The following THAP4 variants were observed in gnomAD, a reference collection of about 807,000 sequenced individuals.
THAP4 encodes the protein peroxynitrite isomerase THAP4.
Under a neutral mutation model 48.1 loss-of-function variants are expected in THAP4, and 18 were observed. That is an observed-to-expected ratio of 0.37 (90% CI 0.26 to 0.56). The LOEUF is 0.56. Ranked by LOEUF, THAP4 falls within the 20% of genes least tolerant of loss-of-function variation. The pLI is 0.78. For missense variants in THAP4, 656 were observed against 774.9 expected (o/e 0.85, Z 1.82); for synonymous variants, 345 against 324.9 (o/e 1.06, Z -0.66).
intron 2 of THAP4, among the ~76,000 whole-genome samples, chr2:241,608,884 T>C (rs866068918): frequency 6.6e-6 from 1 of 152,338 alleles, no homozygotes; most frequent in South Asian, 2.1e-4. Context: ...TCAGGGTCCC[T>C]GCAGCTACCC....
At chr2:241,632,729 G>A (rs553196450) in intron 2 of THAP4, among the ~76,000 whole-genome samples, 188 bp downstream of exon 2, 3 of 152,336 alleles carry the variant, frequency 2.0e-5, no homozygotes, top group African/African-American at 7.2e-5. Context: ...GTGGGACCAG[G>A]TGCAGTGAGG....
At chr2:241,626,452 C>T (rs1471498448) in intron 2 of THAP4, among the ~76,000 whole-genome samples, 1 of 150,936 alleles carries the variant, frequency 6.6e-6, no homozygotes, top group Non-Finnish European at 1.5e-5. Flanking sequence ...AAAACAAAAA[C>T]AAAAACAAAA....
intron 2 of THAP4, among the ~76,000 whole-genome samples, chr2:241,615,659 AC>A (rs2125087304): frequency 6.6e-6 from 1 of 152,340 alleles, no homozygotes; most frequent in African/African-American, 2.4e-5. Flanking sequence ...AAATGACACC[AC>A]TGTGGTGTGA....
chr2:241,628,452 C>T (rs563937842), intron 2 of THAP4, among the ~76,000 whole-genome samples: 6 of 152,078 alleles, frequency 3.9e-5, no homozygotes, highest in Non-Finnish European at 8.8e-5. Context: ...CCTGCTCCTC[C>T]CCAAAAGCCT....
intron 2 of THAP4, among the ~76,000 whole-genome samples, chr2:241,624,070 C>G (rs1007608352): frequency 1.3e-5 from 2 of 152,220 alleles, no homozygotes; most frequent in Admixed American, 1.3e-4. Context: ...GCCTCTGCCC[C>G]ACCTGGCTAC....
chr2:241,589,268 T>C (rs1159765862), intron 5 of THAP4, among the ~76,000 whole-genome samples: 1 of 76,442 alleles, frequency 1.3e-5, no homozygotes, highest in East Asian at 3.8e-4. Flanking sequence ...AAAAACAACA[T>C]TTGGTTCTTC....
At chr2:241,629,424 T>C (rs1031988556) in intron 2 of THAP4, among the ~76,000 whole-genome samples, 2 of 150,470 alleles carry the variant, frequency 1.3e-5, no homozygotes, top group Non-Finnish European at 2.9e-5. Context: ...TGAGCTGTGA[T>C]AGGACCACCA....
intron 5 of THAP4, among the ~76,000 whole-genome samples, chr2:241,598,689 G>A (rs966325982): frequency 2.0e-5 from 3 of 152,124 alleles, no homozygotes; most frequent in East Asian, 1.9e-4. Context: ...TGGACAGGAG[G>A]TGGAGCTCAG....
rs543571264 is a variant in THAP4 at position 241,601,704 on chromosome 2, C to T, written c.1614+192G>A. 4.6e-4 allele frequency: 488 copies of T among 1,053,660 alleles called. 3 individuals are homozygous for T. In the South Asian group the frequency reaches 7.0e-3, roughly 15 times the overall value. 65.3% of individuals were successfully genotyped at this position (1,053,660 alleles called of 1,614,324 possible). On this transcript the variant is annotated intron_variant, in intron 5 of 5. Coordinates refer to ENST00000407315, the MANE Select transcript of THAP4 (RefSeq NM_015963.6). The surrounding 1 kb of genome is among the most constrained non-coding windows in gnomAD (Gnocchi z 4.0). ...CAAAAAAACCACACCACTGACCAGCCGAGGAGGGGGCAATGAATTTAGGGA... is the reference window on the plus strand; with the variant it reads ...CAAAAAAACCACACCACTGACCAGCTGAGGAGGGGGCAATGAATTTAGGGA...
intron 5 of THAP4, among the ~76,000 whole-genome samples, chr2:241,591,683 G>A (rs2066980693): frequency 6.6e-6 from 1 of 152,158 alleles, no homozygotes; most frequent in African/African-American, 2.4e-5. Context: ...AGAACAAGGA[G>A]AGGGGACAGC....
chr2:241,611,876 A>C (rs886250722), intron 2 of THAP4, among the ~76,000 whole-genome samples: 3 of 152,198 alleles, frequency 2.0e-5, no homozygotes, highest in African/African-American at 7.2e-5. Context: ...AAGAGCAGCA[A>C]AACATACAAA....
At chr2:241,607,059 GAAGT>G (rs990986033) in intron 2 of THAP4, among the ~76,000 whole-genome samples, 2 of 152,152 alleles carry the variant, frequency 1.3e-5, no homozygotes, top group African/African-American at 2.4e-5. Flanking sequence ...GTTTAAAAGG[GAAGT>G]AAGACCCCGC....
intron 2 of THAP4, among the ~76,000 whole-genome samples, chr2:241,618,452 C>T (rs985544609): frequency 2.0e-5 from 3 of 152,290 alleles, no homozygotes; most frequent in East Asian, 1.9e-4. Flanking sequence ...CTTTCCCACA[C>T]GCTAGCAATA....
At chr2:241,620,099 G>A (rs1438873436) in intron 2 of THAP4, among the ~76,000 whole-genome samples, 9 of 97,792 alleles carry the variant, frequency 9.2e-5, no homozygotes, top group Non-Finnish European at 1.0e-4. Context: ...TGAGTGAGTC[G>A]GTGAGTGAGG....
Position 241,633,983 on chromosome 2 carries a change from C to T in THAP4, c.174G>A (p.Glu58=). 2.5e-6 allele frequency: 4 copies of T among 1,614,120 alleles called. No individual in the cohort carries two copies. Among genetic ancestry groups the T allele is most frequent in the Non-Finnish European group, 3.4e-6 (4 of 1,180,008 alleles). Residue 58 remains glutamate, a synonymous_variant, in exon 2 of 6, where the codon GAG becomes GAA. Transcript: ENST00000407315. This position sits in a 1 kb window ranked among gnomAD's most constrained non-coding sequence, Gnocchi z 7.5. The part of the protein sequence containing the change: ...TPTKYSFLCS[E]HFTKDSFSKR... ...TGGAGAAGCTGTCTTTGGTGAAATG[C>T]TCACTACAGAGAAATGAATACTTAG... is the stretch of plus-strand genomic sequence containing the variant.
chr2:241,594,874 T>C (rs1575019375), intron 5 of THAP4: 3 of 172,038 alleles, frequency 1.7e-5, no homozygotes, highest in Admixed American at 6.0e-5. Context: ...TCCAGGGGGG[T>C]TGAGGCTGCA....
rs527641448 is a variant in THAP4, at chr2:241,625,332, C to T, written c.1240+7585G>A. 3.3e-5 allele frequency among the ~76,000 whole-genome samples: 5 copies of T among 151,848 alleles called. No homozygotes were observed. The East Asian group carries it at 9.7e-4, about 30-fold the overall frequency. On this transcript the variant is annotated intron_variant, in intron 2 of 5. Coordinates refer to ENST00000407315, the MANE Select transcript of THAP4 (RefSeq NM_015963.6). The stretch of plus-strand genomic sequence containing the variant: ...TGTACAAAAATATTAAAAAACTAGC[C>T]AGTGTGACGGCACGTGTCCATAGTC...
chr2:241,613,058 T>C (rs1376712044), intron 2 of THAP4, among the ~76,000 whole-genome samples: 3 of 152,212 alleles, frequency 2.0e-5, no homozygotes, highest in Non-Finnish European at 4.4e-5. Context: ...TCTTTTTACC[T>C]TTTTAATGTA....
rs1482988787 is a variant in THAP4 at position 241,610,274 on chromosome 2, G to A, written c.1241-3801C>T. On this transcript the variant is annotated intron_variant, in intron 2 of 5. Transcript: ENST00000407315. The surrounding 1 kb of genome is among the most constrained non-coding windows in gnomAD (Gnocchi z 4.2). ...GGGCGGCCCCCTCCAGCCTCCGCCG[G>A]CCCCGCCCCGGAAGCGCAGCCCCGC... is the stretch of plus-strand genomic sequence containing the variant. Among the ~76,000 whole-genome samples, 1 of 152,158 alleles carries A rather than the reference G, an allele frequency of 6.6e-6. No individual in the cohort carries two copies. Among genetic ancestry groups the A allele is most frequent in the Admixed American group, 6.5e-5 (1 of 15,276 alleles).
Sources: gnomAD v4.1 joint callset for allele counts (sites outside exome capture counted in the v4.1 genomes callset) on GRCh38, gnomAD v4.1.1 for gene constraint, Gnocchi (gnomAD v3.1) non-coding constraint, MANE v1.5 for transcripts, NCBI Gene and HGNC (gene_info 2026-07-23, HGNC 2026-07-21) for gene names.